The following AVEN variants were observed in gnomAD, a reference collection of about 807,000 sequenced individuals.
AVEN encodes the protein apoptosis and caspase activation inhibitor.
AVEN carries 41 observed loss-of-function variants against 38.1 expected under a neutral mutation model. That is an observed-to-expected ratio of 1.08 (90% CI 0.84 to 1.40). The LOEUF (loss-of-function observed/expected upper bound fraction) is 1.40, where lower values mean the gene tolerates loss of function less well. Among genes scored for constraint, AVEN ranks in the 40% most tolerant of loss-of-function variants. AVEN has a pLI of 0.00. For missense variants in AVEN, 605 were observed against 438.8 expected (o/e 1.38, Z -3.38); for synonymous variants, 206 against 171.8 (o/e 1.20, Z -1.56).
At position 33,895,790 on chromosome 15, in the gene AVEN, G is replaced by C. The variant is rs186427295; in HGVS notation, c.446-19795C>G. ...CTTTTAAAAATACAAATCTGATCCT[G>C]CCAGACTCTTAGTTAAACCTCTCTA... On this transcript the variant is annotated intron_variant, in intron 2 of 5. Transcript: ENST00000306730. 3.7e-4 allele frequency among the ~76,000 whole-genome samples: 57 copies of C among 152,240 alleles called. No homozygotes were observed. In the East Asian group the frequency reaches 9.3e-3, roughly 25 times the overall value.
intron 2 of AVEN, among the ~76,000 whole-genome samples, chr15:33,954,569 A>G (rs1279192485): frequency 1.3e-5 from 2 of 149,048 alleles, no homozygotes. Flanking sequence ...ACCAAACACC[A>G]TATGTTCTCA....
intron 5 of AVEN, among the ~76,000 whole-genome samples, chr15:34,050,973 C>A (rs1421512877): frequency 6.6e-6 from 1 of 152,076 alleles, no homozygotes; most frequent in African/African-American, 2.4e-5. Context: ...ATATTCAGGA[C>A]CTGAACTCAG....
chr15:33,984,928 C>T (rs1896357521), intron 2 of AVEN, among the ~76,000 whole-genome samples: 1 of 152,072 alleles, frequency 6.6e-6, no homozygotes, highest in Admixed American at 6.5e-5. Context: ...ATGAAAAGAT[C>T]TACCCTCAAG....
chr15:34,068,608 TC>T (rs1198740043), intron 2 of AVEN, among the ~76,000 whole-genome samples: 1 of 152,160 alleles, frequency 6.6e-6, no homozygotes, highest in African/African-American at 2.4e-5. Context: ...TATTATGTAA[TC>T]TACAGTCCAC....
At chr15:33,990,774 A>C (rs1896688415) in intron 2 of AVEN, 1 of 152,230 alleles carries the variant, frequency 6.6e-6, no homozygotes, top group Admixed American at 6.5e-5. Flanking sequence ...GATGACTTTA[A>C]TTTGCCGTAA....
chr15:33,967,223 T>G (rs1330636940), intron 2 of AVEN, among the ~76,000 whole-genome samples: 1 of 152,132 alleles, frequency 6.6e-6, no homozygotes, highest in Non-Finnish European at 1.5e-5. Context: ...CTCATACATG[T>G]TCATCTGTCA....
intron 1 of AVEN, among the ~76,000 whole-genome samples, chr15:34,034,730 G>T (rs1405671504): frequency 6.6e-6 from 1 of 152,138 alleles, no homozygotes; most frequent in Non-Finnish European, 1.5e-5. Context: ...ATGTTAACAA[G>T]GATAAGGATG....
At chr15:34,007,135 AC>A in intron 1 of AVEN, 1 of 746,848 alleles carries the variant, frequency 1.3e-6, no homozygotes, top group Non-Finnish European at 1.6e-6. Context: ...TAATCAAACT[AC>A]TGCCGAGCTA....
Position 34,039,027 on chromosome 15 carries a change from G to A in AVEN, c.20C>T (p.Ala7Val). 1.8e-6 allele frequency: 2 copies of A among 1,120,794 alleles called. No homozygotes were observed. The highest frequency in any genetic ancestry group is 2.2e-6 in the Non-Finnish European group (2 of 918,914). 69.4% of individuals were successfully genotyped at this position (1,120,794 alleles called of 1,614,324 possible). MQAERG[A>V]RGGRGRRPGR... is the part of the protein sequence containing the mutation. ...TGGCCGCCGCCCACGGCCTCCCCGAGCTCCTCGCTCCGCCTGCATCTGGCC... is the reference window on the plus strand; with the variant it reads ...TGGCCGCCGCCCACGGCCTCCCCGAACTCCTCGCTCCGCCTGCATCTGGCC... The change falls in exon 1 of 6, where the codon GCT becomes GTT. Residue 7 changes from alanine to valine, a missense_variant. Ala to Val is a moderately conservative substitution (Grantham distance 64). Transcript: ENST00000306730.
chr15:33,950,468 T>C (rs1312189609), intron 2 of AVEN, among the ~76,000 whole-genome samples: 1 of 152,212 alleles, frequency 6.6e-6, no homozygotes, highest in Admixed American at 6.5e-5. Flanking sequence ...ATACAATTTT[T>C]ATATGTCAAC....
intron 2 of AVEN, among the ~76,000 whole-genome samples, chr15:33,894,449 A>C (rs618613): frequency 0.82 from 122,833 of 149,832 alleles, 54,429 homozygotes; most frequent in Non-Finnish European, 0.98. Context: ...CTAATACTAA[A>C]AATGTAACTA....
chr15:33,860,039 C>T (rs1440472394), intron 11 of AVEN, among the ~76,000 whole-genome samples: 1 of 152,182 alleles, frequency 6.6e-6, no homozygotes, highest in East Asian at 1.9e-4. Context: ...TTGTCCTCTT[C>T]ATTTTCTTCC....
intron 1 of AVEN, among the ~76,000 whole-genome samples, chr15:34,035,671 A>G (rs2140780554): frequency 6.6e-6 from 1 of 152,300 alleles, no homozygotes; most frequent in Middle Eastern, 3.4e-3. Flanking sequence ...AGGAAAAAAG[A>G]AAAAAAATTC....
At chr15:33,933,485 C>T (rs1429924228) in intron 2 of AVEN, among the ~76,000 whole-genome samples, 1 of 99,026 alleles carries the variant, frequency 1.0e-5, no homozygotes, top group Non-Finnish European at 2.0e-5. Context: ...GCCTGGCCTC[C>T]AACAATCACA....
intron 5 of AVEN, among the ~76,000 whole-genome samples, chr15:34,059,039 G>C (rs1246509670): frequency 6.6e-6 from 1 of 151,964 alleles, no homozygotes; most frequent in African/African-American, 2.4e-5. Flanking sequence ...TAAGATTACA[G>C]GCACACACCA....
At chr15:33,884,763 AG>A (rs1891636720) in intron 2 of AVEN, among the ~76,000 whole-genome samples, 1 of 152,242 alleles carries the variant, frequency 6.6e-6, no homozygotes, top group Non-Finnish European at 1.5e-5. Context: ...ATCTTTACTC[AG>A]GCAGAAGGAA....
At position 34,064,442 on chromosome 15, in the gene AVEN, G is replaced by A. The variant is rs1007353435; in HGVS notation, n.1127-1010C>T. 4 of 1,212,736 alleles carry A rather than the reference G, an allele frequency of 3.3e-6. No homozygotes were observed. The African/African-American group carries it at 6.1e-5, about 19-fold the overall frequency. 75.1% of individuals were successfully genotyped at this position (1,212,736 alleles called of 1,614,324 possible). On this transcript the variant is annotated intron_variant and non_coding_transcript_variant, in intron 4 of 11. Transcript: ENST00000675287. ...TCATTTTGAGTCCTTGAAGATTTTT[G>A]TAAAGGCTCAAGTTTGGTTGCCAAA...
downstream of AVEN, chr15:33,854,426 C>G: frequency 6.3e-7 from 1 of 1,575,928 alleles, no homozygotes; most frequent in Non-Finnish European, 8.6e-7. Context: ...TATCTGGAAG[C>G]TTGGAGTTGT....
intron 1 of AVEN, among the ~76,000 whole-genome samples, chr15:34,038,479 G>C (rs1167427303): frequency 6.6e-6 from 1 of 152,142 alleles, no homozygotes; most frequent in Non-Finnish European, 1.5e-5. Context: ...TTGCAGCCCT[G>C]ACACACGGCC....
Sources: allele counts gnomAD v4.1 joint callset (sites outside exome capture counted in the v4.1 genomes callset), GRCh38; gene constraint gnomAD v4.1.1; transcripts MANE v1.5; gene names NCBI Gene and HGNC (gene_info 2026-07-23, HGNC 2026-07-21).